The following PLAC1 variants were observed in gnomAD, a reference collection of about 807,000 sequenced individuals.
The protein encoded by PLAC1 is placenta-specific protein 1.
For missense variants in PLAC1, 136 were observed against 163.2 expected, an observed-to-expected ratio of 0.83 and a Z score of 0.91; for synonymous variants, 68 against 62.1, an observed-to-expected ratio of 1.09 and a Z score of -0.44.
At chrX:134,575,246 G>A (rs1038212119) in intron 2 of PLAC1, among the ~76,000 whole-genome samples, 2 of 111,272 alleles carry the variant, frequency 1.8e-5, no homozygotes, top group Non-Finnish European at 3.8e-5. Context: ...GTATTGTACT[G>A]GTAAATATCA....
intron 2 of PLAC1, among the ~76,000 whole-genome samples, chrX:134,585,748 T>A (rs941537753): frequency 3.6e-5 from 4 of 110,499 alleles, no homozygotes; most frequent in African/African-American, 1.3e-4. Context: ...GGGGTAGAAT[T>A]TAAAGTTGGA....
intron 2 of PLAC1, among the ~76,000 whole-genome samples, chrX:134,717,262 A>G (rs1200148388): frequency 9.0e-6 from 1 of 111,380 alleles, no homozygotes; most frequent in Non-Finnish European, 1.9e-5. Flanking sequence ...CACATATGAC[A>G]AGTAGCTTTT....
intron 2 of PLAC1, among the ~76,000 whole-genome samples, chrX:134,691,114 TC>T (rs1386040180): frequency 1.7e-5 from 1 of 59,156 alleles, no homozygotes; most frequent in East Asian, 4.3e-4. Context: ...GTTTCTTTTT[TC>T]TTTTTTTTTT....
At chrX:134,618,413 CT>C (rs375403357) in intron 1 of PLAC1, among the ~76,000 whole-genome samples, 4 of 106,910 alleles carry the variant, frequency 3.7e-5, no homozygotes, top group South Asian at 4.1e-4. Context: ...CATCATCTCA[CT>C]TTTTTTTTTG....
intron 1 of PLAC1, among the ~76,000 whole-genome samples, chrX:134,649,572 A>G (rs754176406): frequency 1.8e-5 from 2 of 111,404 alleles, no homozygotes; most frequent in Non-Finnish European, 3.8e-5. Context: ...TGACTATACT[A>G]TAATGTAAGT....
chrX:134,582,871 G>C (rs1174664882), intron 2 of PLAC1, among the ~76,000 whole-genome samples: 1 of 111,988 alleles, frequency 8.9e-6, no homozygotes, highest in Non-Finnish European at 1.9e-5. Context: ...TGGAGGGTTT[G>C]AGGCAGGATA....
chrX:134,626,632 G>A (rs184754740), intron 1 of PLAC1, among the ~76,000 whole-genome samples: 60 of 111,714 alleles, frequency 5.4e-4, no homozygotes, highest in African/African-American at 1.8e-3. Context: ...CCAGGGCCTG[G>A]TAGCTTTTTG....
chrX:134,584,341 C>G (rs945559788), intron 2 of PLAC1, among the ~76,000 whole-genome samples: 1 of 111,985 alleles, frequency 8.9e-6, no homozygotes, highest in African/African-American at 3.2e-5. Context: ...TAACCCCATT[C>G]ATCATTCTGA....
At chrX:134,699,826 T>G (rs1206047268) in intron 2 of PLAC1, among the ~76,000 whole-genome samples, 1 of 111,862 alleles carries the variant, frequency 8.9e-6, no homozygotes, top group African/African-American at 3.3e-5. Context: ...ACACTCAAGA[T>G]CAAATAAAAA....
chrX:134,737,091 G>A (rs941676166), intron 1 of PLAC1, among the ~76,000 whole-genome samples: 17 of 112,592 alleles, frequency 1.5e-4, no homozygotes, highest in Middle Eastern at 9.1e-3. Flanking sequence ...TGTTGGAATC[G>A]TCTTCCCACA....
rs777171565 is a variant in PLAC1, at chrX:134,651,298, T to C, written c.-131+7030A>G. On this transcript the variant is annotated intron_variant, in intron 1 of 2. Coordinates refer to ENST00000359237, the MANE Select transcript of PLAC1 (RefSeq NM_021796.4). ...ATGGCAGCTGCCTCGCAAAAGTTCA[T>C]TTGGACAAAGCACAGCAGAACAATG... The C allele has an allele frequency of 2.5e-4, 50 of 198,008 alleles. 2 individuals carry two copies. In the South Asian group the frequency reaches 4.4e-3, roughly 17 times the overall value. 16.3% of individuals were successfully genotyped at this position (198,008 alleles called of 1,213,427 possible). A position where few individuals can be genotyped will look rare whatever the true frequency, so the allele number is the denominator to read the frequency against.
At chrX:134,761,345 C>T (rs939900223) in intron 1 of PLAC1, among the ~76,000 whole-genome samples, 4 of 111,866 alleles carry the variant, frequency 3.6e-5, no homozygotes, top group Non-Finnish European at 7.5e-5. Context: ...TTCTGAAGCA[C>T]ATTAATGTAT....
At chrX:134,567,542 G>T (rs2077883026) in intron 2 of PLAC1, among the ~76,000 whole-genome samples, 1 of 111,067 alleles carries the variant, frequency 9.0e-6, no homozygotes, top group Non-Finnish European at 1.9e-5. Flanking sequence ...GACTGCTTGA[G>T]CCCAGAAGTT....
intron 2 of PLAC1, among the ~76,000 whole-genome samples, chrX:134,711,890 T>C (rs1053849285): frequency 1.4e-4 from 16 of 112,007 alleles, no homozygotes; most frequent in Admixed American, 1.0e-3. Flanking sequence ...CTACACACAA[T>C]TGGTTTCCTT....
chrX:134,622,092 G>A (rs886500720), intron 1 of PLAC1, among the ~76,000 whole-genome samples: 1 of 112,171 alleles, frequency 8.9e-6, no homozygotes, highest in East Asian at 2.8e-4. Context: ...CTCCAGTCAG[G>A]GAAGGCATCT....
chrX:134,625,611 G>C (rs1320543723), intron 1 of PLAC1, among the ~76,000 whole-genome samples: 1 of 111,840 alleles, frequency 8.9e-6, no homozygotes, highest in Non-Finnish European at 1.9e-5. Context: ...AGATCACCAT[G>C]AACAGTCACT....
chrX:134,570,843 C>G (rs928211004), intron 2 of PLAC1, among the ~76,000 whole-genome samples: 3 of 112,068 alleles, frequency 2.7e-5, no homozygotes, highest in African/African-American at 9.7e-5. Flanking sequence ...GAGTTTTCCT[C>G]TTTCCCTTTT....
At chrX:134,599,116 T>C (rs2078076485) in intron 2 of PLAC1, among the ~76,000 whole-genome samples, 1 of 111,690 alleles carries the variant, frequency 9.0e-6, no homozygotes, top group Non-Finnish European at 1.9e-5. Context: ...ACATTTGGAT[T>C]AGCATAGTAT....
chrX:134,693,742 T>G (rs1405657338), intron 2 of PLAC1, among the ~76,000 whole-genome samples: 3 of 111,504 alleles, frequency 2.7e-5, no homozygotes, highest in African/African-American at 9.8e-5. Context: ...ATGTGGGCAA[T>G]CCTAACTATT....
Sources: gnomAD v4.1 joint callset for allele counts (sites outside exome capture counted in the v4.1 genomes callset) on GRCh38, gnomAD v4.1.1 for gene constraint, MANE v1.5 for transcripts, NCBI Gene and HGNC (gene_info 2026-07-23, HGNC 2026-07-21) for gene names.